Variants in KAZN observed in about 807,000 individuals in gnomAD.
KAZN encodes the protein kazrin, periplakin interacting protein, also known as kazrin.
Under a neutral mutation model 87.4 loss-of-function variants are expected in KAZN, and 40 were observed. The observed-to-expected ratio is 0.46, with a 90% confidence interval of 0.36 to 0.60. KAZN has a LOEUF of 0.60. KAZN is among the 20% of genes least tolerant of loss of function. KAZN has a pLI of 0.00. For synonymous variants in KAZN, 466 were observed against 458.3 expected, an observed-to-expected ratio of 1.02 and a Z score of -0.22; for missense variants, 898 against 1,073.9, an observed-to-expected ratio of 0.84 and a Z score of 2.29.
Position 13,985,628 on chromosome 1 carries a change from T to G in KAZN, c.91+91872T>G, listed in dbSNP as rs367648262. Among the ~76,000 whole-genome samples the G allele has an allele frequency of 2.5e-3, 372 of 151,786 alleles. 2 individuals are homozygous for G. The highest frequency in any genetic ancestry group is 8.4e-3 in the African/African-American group (346 of 41,392). On this transcript the variant is annotated intron_variant, in intron 1 of 16. Transcript: ENST00000636203. Reference sequence around the variant, plus strand: ...GCTAGATGACGAATTTTAGGATATTTTTATCATCCCTCCAAAAAAAAAACC... The same window carrying G: ...GCTAGATGACGAATTTTAGGATATTGTTATCATCCCTCCAAAAAAAAAACC...
chr1:15,015,897 G>T (rs940364103), intron 2 of KAZN, among the ~76,000 whole-genome samples: 1 of 152,146 alleles, frequency 6.6e-6, no homozygotes, highest in Non-Finnish European at 1.5e-5. Flanking sequence ...TCCAGTCTCC[G>T]CAAGGCAGAC....
At chr1:14,241,733 A>AG (rs1648952695) in intron 2 of KAZN, among the ~76,000 whole-genome samples, 1 of 152,176 alleles carries the variant, frequency 6.6e-6, no homozygotes, top group African/African-American at 2.4e-5. Context: ...CATAGTCAGG[A>AG]GGAGATATGC....
At chr1:14,009,315 T>G (rs116659400) in intron 1 of KAZN, among the ~76,000 whole-genome samples, 2,322 of 152,306 alleles carry the variant, frequency 0.015, 61 homozygotes, top group African/African-American at 0.054. Flanking sequence ...TTTTGCTAGG[T>G]ATATACCTGG....
chr1:14,558,637 G>A (rs1456227782), intron 2 of KAZN, among the ~76,000 whole-genome samples: 1 of 152,104 alleles, frequency 6.6e-6, no homozygotes, highest in Non-Finnish European at 1.5e-5. Context: ...CAGTATAAAA[G>A]AGTATCAGGT....
At chr1:14,515,572 G>A (rs146124650) in intron 2 of KAZN, among the ~76,000 whole-genome samples, 66 of 152,206 alleles carry the variant, frequency 4.3e-4, no homozygotes, top group Non-Finnish European at 6.8e-4. Flanking sequence ...CTACCATCCC[G>A]GCCTCACTCA....
chr1:14,995,928 T>C (rs1486153059), intron 2 of KAZN, among the ~76,000 whole-genome samples: 1 of 152,182 alleles, frequency 6.6e-6, no homozygotes, highest in Non-Finnish European at 1.5e-5. Context: ...TGGAAACTTT[T>C]ACAGTGTGGA....
intron 4 of KAZN, among the ~76,000 whole-genome samples, chr1:15,050,258 C>A (rs1186503131): frequency 6.6e-6 from 1 of 152,024 alleles, no homozygotes; most frequent in Non-Finnish European, 1.5e-5. Flanking sequence ...GGAAGTGAGG[C>A]AGTGGGTGAA....
At chr1:14,570,384 C>T (rs1674790771) in intron 2 of KAZN, among the ~76,000 whole-genome samples, 1 of 152,134 alleles carries the variant, frequency 6.6e-6, no homozygotes, top group Admixed American at 6.5e-5. Flanking sequence ...TACCTTTTTA[C>T]CCTCCTCCTC....
At chr1:15,092,060 G>GTGT (rs1640561223) in intron 8 of KAZN, among the ~76,000 whole-genome samples, 2 of 114,448 alleles carry the variant, frequency 1.7e-5, no homozygotes, top group Non-Finnish European at 3.5e-5. Flanking sequence ...TTGTTTTTTT[G>GTGT]TTTTTTTTTT....
At chr1:14,858,920 A>G (rs1650496385) in intron 1 of KAZN, among the ~76,000 whole-genome samples, 1 of 152,168 alleles carries the variant, frequency 6.6e-6, no homozygotes, top group Admixed American at 6.5e-5. Context: ...CTCATCTTCC[A>G]TGTATTAAGA....
At chr1:14,133,680 C>T (rs544667697) in intron 1 of KAZN, among the ~76,000 whole-genome samples, 6 of 152,204 alleles carry the variant, frequency 3.9e-5, no homozygotes, top group Admixed American at 1.3e-4. Flanking sequence ...TCCTCACACC[C>T]TTCTCCAAGG....
At chr1:14,283,699 A>G (rs1164613136) in intron 2 of KAZN, among the ~76,000 whole-genome samples, 2 of 152,220 alleles carry the variant, frequency 1.3e-5, no homozygotes, top group Non-Finnish European at 2.9e-5. Flanking sequence ...AAGGTTAAAC[A>G]CAAAGTCACC....
chr1:15,012,082 G>A (rs954242938), intron 2 of KAZN, among the ~76,000 whole-genome samples: 2 of 152,152 alleles, frequency 1.3e-5, no homozygotes, highest in Non-Finnish European at 2.9e-5. Flanking sequence ...CCTTGCATGT[G>A]GAGTAGCCTG....
At chr1:14,466,771 A>G (rs564010497) in intron 2 of KAZN, among the ~76,000 whole-genome samples, 300 of 152,198 alleles carry the variant, frequency 2.0e-3, no homozygotes, top group Middle Eastern at 3.4e-3. Context: ...GATGGAGACC[A>G]TCCTGGCTAA....
At chr1:14,281,894 G>A (rs528692942) in intron 2 of KAZN, among the ~76,000 whole-genome samples, 1 of 152,268 alleles carries the variant, frequency 6.6e-6, no homozygotes, top group East Asian at 1.9e-4. Context: ...GCCTGGGACT[G>A]AGGGGGATCC....
chr1:14,281,469 CAG>C (rs1419928277), intron 2 of KAZN, among the ~76,000 whole-genome samples: 1 of 152,190 alleles, frequency 6.6e-6, no homozygotes, highest in Non-Finnish European at 1.5e-5. Context: ...GTGCTAGAGA[CAG>C]ATACACCTGC....
chr1:14,960,453 G>A (rs374471353), intron 1 of KAZN, among the ~76,000 whole-genome samples: 1 of 152,164 alleles, frequency 6.6e-6, no homozygotes, highest in Non-Finnish European at 1.5e-5. Flanking sequence ...TGGAGTCCTC[G>A]GGAGTCGTGG....
intron 2 of KAZN, among the ~76,000 whole-genome samples, chr1:14,987,903 G>A (rs74060143): frequency 0.02 from 3,092 of 152,362 alleles, 116 homozygotes; most frequent in African/African-American, 0.069. Flanking sequence ...AGGCCAGGCT[G>A]CAGAAGCCAC....
intron 2 of KAZN, among the ~76,000 whole-genome samples, chr1:14,438,916 C>G (rs1272856511): frequency 6.6e-6 from 1 of 152,178 alleles, no homozygotes; most frequent in East Asian, 1.9e-4. Flanking sequence ...AGTCTTCCAC[C>G]TCTTCTAACA....
Sources: allele counts gnomAD v4.1 joint callset (sites outside exome capture counted in the v4.1 genomes callset), GRCh38; gene constraint gnomAD v4.1.1; transcripts MANE v1.5; gene names NCBI Gene and HGNC (gene_info 2026-07-23, HGNC 2026-07-21).